Variants in DNAJC3 observed in about 807,000 individuals in gnomAD.
DNAJC3 encodes DnaJ heat shock protein family (Hsp40) member C3.
A neutral mutation model predicts 68.6 loss-of-function variants in DNAJC3; 38 were observed. The observed-to-expected ratio is 0.55, with a 90% CI of 0.43 to 0.73. DNAJC3 has a LOEUF of 0.73. DNAJC3 is among the 30% of genes least tolerant of loss of function. The pLI is 0.00. For synonymous variants in DNAJC3, 203 were observed against 204.0 expected, an observed-to-expected ratio of 1.00 and a Z score of 0.04; for missense variants, 526 against 591.9, an observed-to-expected ratio of 0.89 and a Z score of 1.16.
intron 11 of DNAJC3, among the ~76,000 whole-genome samples, chr13:95,788,126 T>C (rs1484441352): frequency 6.6e-6 from 1 of 152,192 alleles, no homozygotes; most frequent in Non-Finnish European, 1.5e-5. Flanking sequence ...TGCAGTGGAA[T>C]TGAAAGTAAA....
At chr13:95,754,028 C>T (rs1348248132) in intron 4 of DNAJC3, among the ~76,000 whole-genome samples, 1 of 152,164 alleles carries the variant, frequency 6.6e-6, no homozygotes, top group African/African-American at 2.4e-5. Flanking sequence ...CTATCTGCTG[C>T]TAGATAACAC....
At chr13:95,678,300 CA>C (rs17885591) in intron 1 of DNAJC3, among the ~76,000 whole-genome samples, 2,017 of 152,230 alleles carry the variant, frequency 0.013, 46 homozygotes, top group African/African-American at 0.047. Flanking sequence ...TTGAGTATTC[CA>C]TTCAAAGGGA....
intron 2 of DNAJC3, among the ~76,000 whole-genome samples, chr13:95,718,170 A>G (rs936425561): frequency 6.6e-6 from 1 of 152,226 alleles, no homozygotes; most frequent in African/African-American, 2.4e-5. Flanking sequence ...CTTGCAAATA[A>G]TTTACATAAT....
At chr13:95,739,104 C>A (rs1281704877) in intron 4 of DNAJC3, among the ~76,000 whole-genome samples, 55 of 152,092 alleles carry the variant, frequency 3.6e-4, no homozygotes, top group Non-Finnish European at 3.5e-4. Context: ...GCTGGATATG[C>A]AATTCTGGGT....
chr13:95,788,273 A>G (rs1883662471), intron 11 of DNAJC3, among the ~76,000 whole-genome samples: 1 of 152,226 alleles, frequency 6.6e-6, no homozygotes, highest in South Asian at 2.1e-4. Flanking sequence ...AAGCAGTTCA[A>G]TCCTCTTAGT....
chr13:95,791,184 C>G lies in DNAJC3; in HGVS notation c.*154C>G, dbSNP rs1267563181. On this transcript the variant is annotated 3_prime_UTR_variant, in exon 12 of 12. Transcript: ENST00000602402. ...GGAAAAAATCTGTTCTTATCCCTGT[C>G]AGATTTATGGTTAATGGGTTTGCAA... is the stretch of plus-strand genomic sequence containing the variant. The G allele has an allele frequency of 4.6e-6, 4 of 861,996 alleles. No individual in the cohort carries two copies. The African/African-American group carries it at 5.2e-5, about 11-fold the overall frequency. The allele number at this position is 861,996 out of a possible 1,614,324, so 53.4% of individuals were successfully genotyped here. A position where few individuals can be genotyped will look rare whatever the true frequency, so the allele number is the denominator to read the frequency against.
At chr13:95,689,151 G>T (rs1216912640) in intron 1 of DNAJC3, among the ~76,000 whole-genome samples, 3 of 150,840 alleles carry the variant, frequency 2.0e-5, no homozygotes, top group African/African-American at 7.3e-5. Context: ...TTTTTCGGGG[G>T]GGAATACTTT....
At chr13:95,712,374 C>CTTT (rs71113952) in intron 2 of DNAJC3, among the ~76,000 whole-genome samples, 10 of 135,220 alleles carry the variant, frequency 7.4e-5, no homozygotes, top group East Asian at 2.2e-4. Flanking sequence ...ATGCTTTTTT[C>CTTT]TTTTTTTTTT....
chr13:95,763,917 G>A lies in DNAJC3; in HGVS notation c.1039G>A (p.Ala347Thr). ...CAATGTGAATGCCCTGAAAGATCGAGCAGAGGCCTATTTGATAGAGGAAAT... is the reference window on the plus strand; with the variant it reads ...CAATGTGAATGCCCTGAAAGATCGAACAGAGGCCTATTTGATAGAGGAAAT... ...PDNVNALKDR[A>T]EAYLIEEMYD... The change falls in exon 9 of 12, where the codon GCA (alanine) becomes ACA (threonine). Residue 347 changes from alanine (A) to threonine (T), a missense_variant. Ala to Thr is a moderately conservative substitution (Grantham distance 58, BLOSUM62 0). Transcript: ENST00000602402. The A allele has an allele frequency of 6.2e-7, 1 of 1,614,054 alleles. No homozygotes were observed. Among genetic ancestry groups the A allele is most frequent in the Non-Finnish European group, 8.5e-7 (1 of 1,179,950 alleles).
At chr13:95,753,847 T>C (rs938840535) in intron 4 of DNAJC3, among the ~76,000 whole-genome samples, 12 of 152,236 alleles carry the variant, frequency 7.9e-5, no homozygotes, top group Non-Finnish European at 1.6e-4. Context: ...ATCCCTCTTT[T>C]ATTGGTAAAG....
In DNAJC3 at chr13:95,722,024, TA is replaced by T. The variant is rs563130744; in HGVS notation, c.194-1214del. ...CCTGAGTAGATAAATCTTTTATTTT[TA>T]AAAGATTGATGGCTGGCTTTTGTCA... On this transcript the variant is annotated intron_variant, in intron 2 of 11. Transcript: ENST00000602402. 2.2e-3 allele frequency among the ~76,000 whole-genome samples: 335 copies of T among 152,366 alleles called. 5 individuals carry two copies. Among genetic ancestry groups the T allele is most frequent in the Middle Eastern group, 0.01 (3 of 294 alleles).
chr13:95,734,845 T>G (rs2139651728), intron 4 of DNAJC3, among the ~76,000 whole-genome samples: 1 of 151,384 alleles, frequency 6.6e-6, no homozygotes, highest in African/African-American at 2.4e-5. Flanking sequence ...ATACTTTAAG[T>G]TTTAGGATAC....
intron 9 of DNAJC3, among the ~76,000 whole-genome samples, chr13:95,782,741 T>C (rs1171782062): frequency 6.6e-6 from 1 of 152,074 alleles, no homozygotes; most frequent in Non-Finnish European, 1.5e-5. Flanking sequence ...CTCCCATTCA[T>C]GGCAACAAAA....
chr13:95,764,695 CATATATATAT>C (rs1318299201), intron 9 of DNAJC3, among the ~76,000 whole-genome samples: 17 of 114,786 alleles, frequency 1.5e-4, no homozygotes, highest in Non-Finnish European at 2.3e-4. Flanking sequence ...CACACACACA[CATATATATAT>C]ACATATATAT....
intron 4 of DNAJC3, 30 bp downstream of exon 4, chr13:95,725,282 A>G: frequency 6.6e-7 from 1 of 1,514,460 alleles, no homozygotes; most frequent in African/African-American, 1.4e-5. Context: ...GACTCTAGGA[A>G]GATGTTATTT....
intron 2 of DNAJC3, among the ~76,000 whole-genome samples, chr13:95,719,401 G>C (rs991429463): frequency 6.6e-6 from 1 of 152,260 alleles, no homozygotes; most frequent in African/African-American, 2.4e-5. Context: ...TTATCACTTA[G>C]GCATGATGTA....
Position 95,764,373 on chromosome 13 carries a change from C to CTA in DNAJC3, c.1075+421_1075+422insAT, listed in dbSNP as rs1354797563. On this transcript the variant is annotated intron_variant, in intron 9 of 11. Coordinates refer to ENST00000602402, the MANE Select transcript of DNAJC3 (RefSeq NM_006260.5). ...TCTCTCTCTCTCTCTCTCTCTCTCT[C>CTA]TCTATATATATATATATATATACTC... Among the ~76,000 whole-genome samples the CTA allele has an allele frequency of 6.0e-3, 775 of 128,874 alleles. 10 individuals carry two copies. The highest frequency in any genetic ancestry group is 0.019 in the African/African-American group (583 of 29,938). 84.5% of individuals were successfully genotyped at this position (128,874 alleles called of 152,430 possible).
At chr13:95,749,270 C>G (rs541594635) in intron 4 of DNAJC3, among the ~76,000 whole-genome samples, 1 of 152,016 alleles carries the variant, frequency 6.6e-6, no homozygotes, top group South Asian at 2.1e-4. Flanking sequence ...CCAAAAATGC[C>G]CATAACACAA....
chr13:95,697,192 C>T (rs1003647162), intron 1 of DNAJC3, among the ~76,000 whole-genome samples: 13 of 152,098 alleles, frequency 8.5e-5, no homozygotes, highest in African/African-American at 3.1e-4. Flanking sequence ...AACTCTTTTG[C>T]GCTTTTCTTA....
Sources: allele counts gnomAD v4.1 joint callset (sites outside exome capture counted in the v4.1 genomes callset), GRCh38; gene constraint gnomAD v4.1.1; transcripts MANE v1.5; gene names NCBI Gene and HGNC (gene_info 2026-07-23, HGNC 2026-07-21).